Variants in NT5M observed in about 807,000 individuals in gnomAD.
The protein encoded by NT5M is 5',3'-nucleotidase, mitochondrial.
Under a neutral mutation model 22.2 loss-of-function variants are expected in NT5M, and 22 were observed. The observed-to-expected ratio is 0.99, with a 90% confidence interval of 0.71 to 1.41. The LOEUF is 1.41. Ranked by LOEUF, NT5M falls within the 40% of genes most tolerant of loss-of-function variation. NT5M has a pLI of 0.00. For missense variants in NT5M, 322 were observed against 314.8 expected (o/e 1.02, Z -0.17); for synonymous variants, 167 against 133.0 (o/e 1.26, Z -1.76).
intron 3 of NT5M, among the ~76,000 whole-genome samples, chr17:17,325,013 T>C (rs2049235562): frequency 6.6e-6 from 1 of 152,172 alleles, no homozygotes; most frequent in Non-Finnish European, 1.5e-5. Context: ...TCAGCATCCC[T>C]TGGAGACTCC....
chr17:17,345,939 C>T (rs1362427781), intron 4 of NT5M, among the ~76,000 whole-genome samples: 1 of 152,250 alleles, frequency 6.6e-6, no homozygotes, highest in Non-Finnish European at 1.5e-5. Context: ...AGTGTTGTTT[C>T]TTTGCCTCTT....
At chr17:17,346,292 A>G (rs242243) in intron 4 of NT5M, among the ~76,000 whole-genome samples, 140,960 of 152,284 alleles carry the variant, frequency 0.93, 65,342 homozygotes, top group East Asian at 1. Flanking sequence ...AAGGGGTGGC[A>G]TCACCAGCAG....
At chr17:17,346,482 A>G (rs2049760683) in intron 4 of NT5M, among the ~76,000 whole-genome samples, 1 of 152,112 alleles carries the variant, frequency 6.6e-6, no homozygotes, top group South Asian at 2.1e-4. Context: ...ATGGCAGGGC[A>G]CGGAGAGGGA....
chr17:17,322,069 A>G (rs769835833), intron 2 of NT5M, among the ~76,000 whole-genome samples: 4 of 152,074 alleles, frequency 2.6e-5, no homozygotes, highest in African/African-American at 4.8e-5. Context: ...ATCTGTACCT[A>G]TGCACACACA....
rs2048724525 is a variant in NT5M, at chr17:17,303,533, G to A, written c.-18G>A. Reference sequence around the variant, plus strand: ...CGGCCCAGGTCCCCGCGCCCACGACGGGCCAGCGCGCTGGGCCATGATCCG... The same window carrying A: ...CGGCCCAGGTCCCCGCGCCCACGACAGGCCAGCGCGCTGGGCCATGATCCG... On this transcript the variant is annotated 5_prime_UTR_variant, in exon 1 of 5. Transcript: ENST00000389022. 1.9e-6 allele frequency: 2 copies of A among 1,044,784 alleles called. No individual in the cohort carries two copies. Among genetic ancestry groups the A allele is most frequent in the Admixed American group, 5.6e-5 (1 of 17,976 alleles). 64.7% of individuals were successfully genotyped at this position (1,044,784 alleles called of 1,614,324 possible). A position where few individuals can be genotyped will look rare whatever the true frequency, so the allele number is the denominator to read the frequency against.
intron 4 of NT5M, 43 bp from the exon 5 acceptor site, chr17:17,346,762 C>T: frequency 6.2e-7 from 1 of 1,602,502 alleles, no homozygotes; most frequent in Non-Finnish European, 8.5e-7. Context: ...GGCTGCGCTC[C>T]AGGTCTCCAC....
intron 3 of NT5M, among the ~76,000 whole-genome samples, chr17:17,335,073 T>A (rs2049477709): frequency 2.0e-5 from 3 of 151,956 alleles, no homozygotes; most frequent in Admixed American, 1.3e-4. Flanking sequence ...GCACATATTG[T>A]GTTAAATTTG....
intron 3 of NT5M, among the ~76,000 whole-genome samples, chr17:17,340,906 A>G (rs933024181): frequency 3.3e-5 from 5 of 151,616 alleles, no homozygotes; most frequent in Non-Finnish European, 7.4e-5. Context: ...ATTTTTTTTA[A>G]ATTCAGGCCC....
chr17:17,311,597 G>C (rs1001124866), intron 2 of NT5M, among the ~76,000 whole-genome samples: 1 of 152,156 alleles, frequency 6.6e-6, no homozygotes, highest in African/African-American at 2.4e-5. Context: ...CCACATTTTT[G>C]CTTGAATTTA....
chr17:17,317,345 G>C (rs1009838420), intron 2 of NT5M, among the ~76,000 whole-genome samples: 1 of 152,184 alleles, frequency 6.6e-6, no homozygotes, highest in Non-Finnish European at 1.5e-5. Context: ...CACTGCTCCC[G>C]GCCAATTTAG....
chr17:17,344,237 T>C (rs1474103020), intron 3 of NT5M, among the ~76,000 whole-genome samples: 2 of 152,230 alleles, frequency 1.3e-5, no homozygotes, highest in Non-Finnish European at 2.9e-5. Context: ...TTGCCTGTCC[T>C]GAAGAAAGCC....
intron 3 of NT5M, among the ~76,000 whole-genome samples, chr17:17,332,567 C>T (rs566781612): frequency 2.0e-5 from 3 of 152,308 alleles, no homozygotes; most frequent in Admixed American, 2.0e-4. Context: ...AACGACAGCA[C>T]CGCTTTATGC....
intron 3 of NT5M, among the ~76,000 whole-genome samples, chr17:17,329,235 CCCAAGGTGCTGGGATTACAGGCGT>C: frequency 6.6e-6 from 1 of 152,290 alleles, no homozygotes; most frequent in South Asian, 2.1e-4. Flanking sequence ...GCCTCGGCCT[CCCAAGGTGCTGGGATTACAGGCGT>C]GAGCCGCAGC....
intron 3 of NT5M, among the ~76,000 whole-genome samples, chr17:17,335,101 T>C (rs2049478390): frequency 6.6e-6 from 1 of 151,982 alleles, no homozygotes; most frequent in Admixed American, 6.5e-5. Flanking sequence ...TTCATGTTTT[T>C]TTTTTTGGCA....
intron 2 of NT5M, among the ~76,000 whole-genome samples, chr17:17,308,376 G>A (rs1215590426): frequency 6.6e-6 from 1 of 152,066 alleles, no homozygotes; most frequent in African/African-American, 2.4e-5. Flanking sequence ...GGCGGATCAA[G>A]AGGTCAGGAG....
chr17:17,344,999 C>A, intron 4 of NT5M, 91 bp downstream of exon 4: 1 of 1,548,936 alleles, frequency 6.5e-7, no homozygotes, highest in Non-Finnish European at 8.8e-7. Context: ...TTGCTTCCTG[C>A]CCCACTTAGT....
rs182283798 is a variant in NT5M, at chr17:17,306,732, T to C, written c.368+89T>C. The C allele has an allele frequency of 6.7e-6, 6 of 899,078 alleles. No individual in the cohort carries two copies. The African/African-American group carries it at 9.8e-5, about 15-fold the overall frequency. The allele number at this position is 899,078 out of a possible 1,614,324, so 55.7% of individuals were successfully genotyped here. On this transcript the variant is annotated intron_variant, in intron 2 of 4. Coordinates refer to ENST00000389022, the MANE Select transcript of NT5M (RefSeq NM_020201.4). ...TTCCTGCTTCTTCCCTCCTCTGCCT[T>C]CTCCTTTCTCTCTCCTTGGCCCTGC...
Position 17,306,525 on chromosome 17 carries a change from C to A in NT5M, c.268-18C>A. ...TGCTGAGGACCCTGGAAGTAACTTG[C>A]TTTTCTCAACTTCTCAGGAGAAGGC... On this transcript the variant is annotated intron_variant, in intron 1 of 4. Coordinates refer to ENST00000389022, the MANE Select transcript of NT5M (RefSeq NM_020201.4). The A allele has an allele frequency of 1.3e-6, 2 of 1,597,728 alleles. No individual in the cohort carries two copies. Among genetic ancestry groups the A allele is most frequent in the Admixed American group, 1.7e-5 (1 of 59,980 alleles).
At chr17:17,346,779 G>A in intron 4 of NT5M, 26 bp from the exon 5 acceptor site, 2 of 1,604,816 alleles carry the variant, frequency 1.2e-6, no homozygotes, top group Non-Finnish European at 1.7e-6. Context: ...CCACTGCTGA[G>A]CTGAATGCCG....
Sources: gnomAD v4.1 joint callset for allele counts (sites outside exome capture counted in the v4.1 genomes callset) on GRCh38, gnomAD v4.1.1 for gene constraint, MANE v1.5 for transcripts, NCBI Gene and HGNC (gene_info 2026-07-23, HGNC 2026-07-21) for gene names.